ASCC3: variants seen among roughly 807,000 people sequenced by gnomAD.
ASCC3 encodes the protein ASC-1 complex subunit P200.
Under a neutral mutation model 256.3 loss-of-function variants are expected in ASCC3, and 158 were observed. The observed-to-expected ratio is 0.62, with a 90% confidence interval of 0.54 to 0.70. The LOEUF is 0.70. Among genes scored for constraint, ASCC3 ranks in the 30% least tolerant of loss-of-function variants. ASCC3 has a pLI of 0.00. For missense variants in ASCC3, 2,259 were observed against 2,626.0 expected (o/e 0.86, Z 3.05); for synonymous variants, 948 against 883.4 (o/e 1.07, Z -1.30).
At chr6:100,838,715 A>G (rs1771996939) in intron 4 of ASCC3, among the ~76,000 whole-genome samples, 1 of 152,088 alleles carries the variant, frequency 6.6e-6, no homozygotes, top group Non-Finnish European at 1.5e-5. Flanking sequence ...AAAGCTAGGT[A>G]CCACTACATA....
At chr6:100,532,335 CGTGTGTGTGTGTGTGT>C (rs3073701) in intron 37 of ASCC3, among the ~76,000 whole-genome samples, 2 of 99,832 alleles carry the variant, frequency 2.0e-5, no homozygotes, top group Admixed American at 2.4e-4. Flanking sequence ...TGCTATCTTG[CGTGTGTGTGTGTGTGT>C]GTGTGTGTGT....
At chr6:100,589,038 T>C (rs1018462842) in intron 36 of ASCC3, among the ~76,000 whole-genome samples, 8 of 152,190 alleles carry the variant, frequency 5.3e-5, no homozygotes. Flanking sequence ...GAAGGGGACA[T>C]TATGTAGAAG....
intron 13 of ASCC3, among the ~76,000 whole-genome samples, chr6:100,687,459 T>G (rs2114978462): frequency 1.3e-5 from 2 of 152,228 alleles, no homozygotes; most frequent in Middle Eastern, 3.4e-3. Flanking sequence ...CCTCCCGGGT[T>G]CAAGAGATTC....
At chr6:100,770,840 GT>G (rs1475345360) in intron 8 of ASCC3, among the ~76,000 whole-genome samples, 2 of 122,734 alleles carry the variant, frequency 1.6e-5, no homozygotes, top group Non-Finnish European at 3.3e-5. Flanking sequence ...TTCTTAAGAT[GT>G]CTTTTTTTTT....
At chr6:100,716,937 A>G (rs1779113848) in intron 12 of ASCC3, among the ~76,000 whole-genome samples, 1 of 152,026 alleles carries the variant, frequency 6.6e-6, no homozygotes, top group African/African-American at 2.4e-5. Context: ...AAGCTATAAA[A>G]GAAGGTCTAC....
chr6:100,799,590 G>C lies in ASCC3; in HGVS notation c.1128-18C>G, dbSNP rs756691366. The C allele has an allele frequency of 1.9e-6, 3 of 1,608,620 alleles. No individual in the cohort carries two copies. The highest frequency in any genetic ancestry group is 1.1e-5 in the South Asian group (1 of 90,950). On this transcript the variant is annotated intron_variant, in intron 6 of 41. Transcript: ENST00000369162. ...CCTGTTCTCTGTAAACATAAAAATAGGCCTAATTTGAAATGTTTATCTTGA... is the reference window on the plus strand; with the variant it reads ...CCTGTTCTCTGTAAACATAAAAATACGCCTAATTTGAAATGTTTATCTTGA...
At position 100,587,016 on chromosome 6, in the gene ASCC3, T is replaced by C. The variant is rs149121614; in HGVS notation, c.5550+2618A>G. ...GAATGTATCTTAGTAAAAGGAAGCATTAACAATGAATGTTATATGAGTGAA... is the reference window on the plus strand; with the variant it reads ...GAATGTATCTTAGTAAAAGGAAGCACTAACAATGAATGTTATATGAGTGAA... On this transcript the variant is annotated intron_variant, in intron 36 of 41. Transcript: ENST00000369162. 8.5e-5 allele frequency among the ~76,000 whole-genome samples: 13 copies of C among 152,288 alleles called. No homozygotes were observed. In the East Asian group the frequency reaches 2.5e-3, roughly 29 times the overall value.
At chr6:100,589,587 TA>T in intron 36 of ASCC3, 46 bp downstream of exon 36, 1 of 1,609,308 alleles carries the variant, frequency 6.2e-7, no homozygotes, top group South Asian at 1.1e-5. Context: ...GGCAAAACTT[TA>T]AGCCCTAAAT....
At chr6:100,531,583 T>C (rs1774877675) in intron 37 of ASCC3, among the ~76,000 whole-genome samples, 1 of 150,934 alleles carries the variant, frequency 6.6e-6, no homozygotes, top group Admixed American at 6.6e-5. Flanking sequence ...TTTTTTTTCC[T>C]GGCAAATGAC....
chr6:100,512,745 T>A lies in ASCC3; in HGVS notation c.6249A>T (p.Gln2083His), dbSNP rs36043370. 154 of 1,614,106 alleles carry A rather than the reference T, an allele frequency of 9.5e-5. No individual in the cohort carries two copies. In the African/African-American group the frequency reaches 1.2e-3, roughly 13 times the overall value. Residue 2083 changes from glutamine to histidine, a missense_variant, in exon 40 of 42, where the codon CAA becomes CAT. Physicochemically the swap from Gln to His is conservative, Grantham distance 24. This residue lies in a region of ASCC3 where 1,839 missense variants were observed against 2,206.7 expected (regional missense o/e 0.83). Coordinates refer to ENST00000369162, the MANE Select transcript of ASCC3 (RefSeq NM_006828.4). ...CAAAGTGGACTCTCTGCAAGCTCAC[T>A]TGAAGCACATACTCTTGGTCAGCAT... is the stretch of plus-strand genomic sequence containing the variant. ...KLHADQEYVL[Q>H]VSLQRVHFGF...
chr6:100,705,782 T>C (rs1371881094), intron 13 of ASCC3, among the ~76,000 whole-genome samples: 6 of 151,900 alleles, frequency 3.9e-5, no homozygotes, highest in Non-Finnish European at 8.8e-5. Flanking sequence ...CAAGATATAT[T>C]TGAAAAATAA....
At chr6:100,652,428 T>A (rs1013803936) in intron 18 of ASCC3, among the ~76,000 whole-genome samples, 1 of 152,158 alleles carries the variant, frequency 6.6e-6, no homozygotes, top group African/African-American at 2.4e-5. Context: ...GGAAAGTTAG[T>A]AAGCACATGA....
chr6:100,779,233 C>T (rs1281662978), intron 8 of ASCC3, among the ~76,000 whole-genome samples: 5 of 151,918 alleles, frequency 3.3e-5, no homozygotes, highest in East Asian at 1.9e-4. Context: ...ATCCTATATA[C>T]ATTAAGTGAA....
At chr6:100,642,441 CAAAT>C in intron 24 of ASCC3, 136 bp downstream of exon 24, 1 of 874,386 alleles carries the variant, frequency 1.1e-6, no homozygotes, top group South Asian at 1.6e-5. Context: ...TGATGAATGA[CAAAT>C]GAAATAAAAA....
At chr6:100,535,057 C>G (rs1410543195) in intron 37 of ASCC3, among the ~76,000 whole-genome samples, 3 of 152,168 alleles carry the variant, frequency 2.0e-5, no homozygotes, top group African/African-American at 4.8e-5. Flanking sequence ...TTAACTAATG[C>G]ACCACTCTTC....
intron 13 of ASCC3, among the ~76,000 whole-genome samples, chr6:100,706,348 C>T (rs1161304880): frequency 6.7e-6 from 1 of 149,868 alleles, no homozygotes; most frequent in Admixed American, 6.7e-5. Context: ...TAAAAAAAAA[C>T]ACAACTCAAA....
intron 4 of ASCC3, among the ~76,000 whole-genome samples, chr6:100,808,472 A>C (rs923622024): frequency 6.6e-6 from 1 of 151,948 alleles, no homozygotes; most frequent in Non-Finnish European, 1.5e-5. Flanking sequence ...TCTCTTTTCT[A>C]ACTGTGTATC....
chr6:100,529,466 T>C (rs935777198), intron 37 of ASCC3, among the ~76,000 whole-genome samples: 14 of 152,142 alleles, frequency 9.2e-5, no homozygotes, highest in Non-Finnish European at 7.3e-5. Context: ...GTTACAAATA[T>C]TCAATCAAAT....
chr6:100,550,841 A>G (rs994031722), intron 36 of ASCC3, among the ~76,000 whole-genome samples: 1 of 151,952 alleles, frequency 6.6e-6, no homozygotes, highest in African/African-American at 2.4e-5. Context: ...TGCCAGTAGT[A>G]TCAGTATCAG....
Sources: allele counts gnomAD v4.1 joint callset (sites outside exome capture counted in the v4.1 genomes callset), GRCh38; gene constraint gnomAD v4.1.1; regional missense constraint gnomAD v4.1.1; transcripts MANE v1.5; gene names NCBI Gene and HGNC (gene_info 2026-07-23, HGNC 2026-07-21).